The following PTGR3 variants were observed in gnomAD, a reference collection of about 807,000 sequenced individuals.
PTGR3 encodes the protein zinc binding alcohol dehydrogenase domain containing 2.
the PTGR3 span, chr18:75,205,642 C>A: frequency 3.6e-6 from 1 of 278,890 alleles, no homozygotes; most frequent in Non-Finnish European, 5.4e-6. Context: ...AAACCAAAGG[C>A]GAGGATTCAA....
chr18:75,209,011 C>G, the PTGR3 span: 5 of 1,585,878 alleles, frequency 3.2e-6, no homozygotes, highest in East Asian at 2.4e-5. The surrounding 1 kb of genome is among the most constrained non-coding windows in gnomAD (Gnocchi z 4.7). Context: ...GGCGGGCGTA[C>G]GACATGTCCA....
chr18:75,201,775 C>T, the PTGR3 span: 25 of 1,614,050 alleles, frequency 1.5e-5, no homozygotes, highest in Middle Eastern at 3.3e-4. Context: ...GTAGCCAGGG[C>T]GTCTACAGCC....
the PTGR3 span, chr18:75,209,098 GGGGT>G: frequency 3.8e-5 from 55 of 1,432,034 alleles, no homozygotes; most frequent in Non-Finnish European, 4.9e-5. This position sits in a 1 kb window ranked among gnomAD's most constrained non-coding sequence, Gnocchi z 4.7. Context: ...GACGCTGGCC[GGGGT>G]CGGCCCCCGC....
the PTGR3 span, chr18:75,195,833 G>C: frequency 3.6e-4 from 55 of 152,342 alleles, no homozygotes; most frequent in African/African-American, 1.3e-3. Context: ...AGGATCGCTT[G>C]GGCCCAGGAG....
the PTGR3 span, among the ~76,000 whole-genome samples, chr18:75,203,061 A>G: frequency 6.6e-6 from 1 of 152,252 alleles, no homozygotes; most frequent in Non-Finnish European, 1.5e-5. Context: ...TGAAACATTC[A>G]ACATTTCACA....
At chr18:75,209,090 C>G in the PTGR3 span, 1 of 1,463,968 alleles carries the variant, frequency 6.8e-7, no homozygotes. The surrounding 1 kb of genome is among the most constrained non-coding windows in gnomAD (Gnocchi z 4.7). Context: ...TCTGCGCCGA[C>G]GCTGGCCGGG....
the PTGR3 span, chr18:75,201,814 CAT>C: frequency 6.2e-7 from 1 of 1,614,186 alleles, no homozygotes; most frequent in Non-Finnish European, 8.5e-7. Flanking sequence ...CCAACAGATT[CAT>C]AGACCACATC....
chr18:75,206,340 T>G, the PTGR3 span, among the ~76,000 whole-genome samples: 1 of 152,096 alleles, frequency 6.6e-6, no homozygotes, highest in African/African-American at 2.4e-5. Context: ...AGAAAAAAAA[T>G]CAGAGCACAA....
the PTGR3 span, chr18:75,201,858 G>A: frequency 1.9e-6 from 3 of 1,614,162 alleles, no homozygotes; most frequent in Admixed American, 1.7e-5. Context: ...CTTAAGGACG[G>A]TACCTACGGG....
chr18:75,205,213 C>T, the PTGR3 span: 3 of 985,452 alleles, frequency 3.0e-6, no homozygotes, highest in Admixed American at 1.2e-4. Context: ...GGGTCCGCAG[C>T]TCGCGCCTTC....
At chr18:75,199,948 T>C in the PTGR3 span, 2 of 152,640 alleles carry the variant, frequency 1.3e-5, no homozygotes, top group Non-Finnish European at 2.9e-5. Context: ...ATTAGGTACC[T>C]GAAAATGAGT....
At chr18:75,201,348 A>G in the PTGR3 span, 1 of 1,355,520 alleles carries the variant, frequency 7.4e-7, no homozygotes, top group South Asian at 1.4e-5. Flanking sequence ...AAATAAATTG[A>G]TTTGAGTAAT....
chr18:75,208,903 G>A, the PTGR3 span: 2 of 1,572,198 alleles, frequency 1.3e-6, no homozygotes, highest in African/African-American at 1.4e-5. Flanking sequence ...GGCAGTCCCG[G>A]CTCAGGGTGA....
At chr18:75,202,428 C>T in the PTGR3 span, 41 of 1,316,784 alleles carry the variant, frequency 3.1e-5, no homozygotes, top group Admixed American at 1.9e-4. Flanking sequence ...CTAGTTCTGG[C>T]GACCCTGGAG....
chr18:75,207,618 C>T, the PTGR3 span, among the ~76,000 whole-genome samples: 1 of 151,912 alleles, frequency 6.6e-6, no homozygotes, highest in Non-Finnish European at 1.5e-5. Flanking sequence ...CCCCCCACCC[C>T]CGCCTCCACA....
chr18:75,196,019 T>C, the PTGR3 span: 1 of 152,170 alleles, frequency 6.6e-6, no homozygotes, highest in Non-Finnish European at 1.5e-5. Flanking sequence ...ACCTCCAGGG[T>C]TTCGGCATCT....
At chr18:75,201,804 C>A in the PTGR3 span, 1 of 1,614,038 alleles carries the variant, frequency 6.2e-7, no homozygotes, top group Non-Finnish European at 8.5e-7. Flanking sequence ...CATGGCTCCC[C>A]CAACAGATTC....
the PTGR3 span, chr18:75,201,921 G>C: frequency 5.6e-6 from 9 of 1,614,068 alleles, no homozygotes; most frequent in African/African-American, 1.3e-5. Flanking sequence ...CAGAAAAGCA[G>C]ACTTTTCATC....
the PTGR3 span, chr18:75,205,234 G>A: frequency 2.5e-4 from 243 of 985,522 alleles, no homozygotes; most frequent in Non-Finnish European, 2.9e-4. Context: ...CGCTCCACCA[G>A]AAACAAGTTC....
Sources: allele counts gnomAD v4.1 joint callset (sites outside exome capture counted in the v4.1 genomes callset), GRCh38; gene constraint gnomAD v4.1.1; non-coding constraint Gnocchi (gnomAD v3.1); transcripts MANE v1.5; gene names NCBI Gene and HGNC (gene_info 2026-07-23, HGNC 2026-07-21).